The following LEKR1 variants were observed in gnomAD, a reference collection of about 807,000 sequenced individuals.
LEKR1 encodes leucine, glutamate and lysine rich 1, also known as protein LEKR1.
In LEKR1, 59 loss-of-function variants were observed where a neutral mutation model predicts 72.4. That is an observed-to-expected ratio of 0.82 (90% confidence interval 0.66 to 1.01). LEKR1 has a LOEUF of 1.01. Ranked by LOEUF, LEKR1 falls within the 50% of genes least tolerant of loss-of-function variation. LEKR1 has a pLI of 0.00. For synonymous variants in LEKR1, 257 were observed against 263.2 expected (o/e 0.98, Z 0.23); for missense variants, 728 against 759.2 (o/e 0.96, Z 0.48).
intron 3 of LEKR1, among the ~76,000 whole-genome samples, chr3:156,899,409 CATATAT>C: frequency 1.7e-5 from 1 of 59,414 alleles, no homozygotes; most frequent in Middle Eastern, 0.014. Flanking sequence ...TACATATATA[CATATAT>C]ACACATATAT....
chr3:156,880,880 A>G (rs1339907107), intron 3 of LEKR1, among the ~76,000 whole-genome samples: 1 of 152,242 alleles, frequency 6.6e-6, no homozygotes, highest in Non-Finnish European at 1.5e-5. Context: ...CAGCATATAA[A>G]CAGAACCAAA....
intron 3 of LEKR1, among the ~76,000 whole-genome samples, chr3:156,879,780 C>A (rs962479301): frequency 1.3e-5 from 2 of 152,168 alleles, no homozygotes; most frequent in African/African-American, 4.8e-5. Context: ...CTAGCCATGG[C>A]TAAAAGGCGC....
Position 156,993,265 on chromosome 3 carries a change from TGAAAAATGAAAGGTG to T in LEKR1, c.1098_1109+3del. ...CAGACAAGGGAAGAGGTTTTAACAC[TGAAAAATGAAAGGTG>T]CAGTAAACAATAATTTCTTACAAAA... On this transcript the variant is annotated splice_donor_variant and splice_donor_region_variant and coding_sequence_variant and intron_variant, in exon 9 of 13. Coordinates refer to ENST00000356539, the MANE Select transcript of LEKR1 (RefSeq NM_001004316.3). LOFTEE classifies it high-confidence loss of function. 6.3e-7 allele frequency: 1 copy of T among 1,588,238 alleles called. No individual in the cohort carries two copies. The highest frequency in any genetic ancestry group is 8.5e-7 in the Non-Finnish European group (1 of 1,170,788).
chr3:156,972,040 A>T (rs918378471), intron 6 of LEKR1, among the ~76,000 whole-genome samples: 1 of 152,184 alleles, frequency 6.6e-6, no homozygotes, highest in Non-Finnish European at 1.5e-5. Context: ...ATACATGCAC[A>T]TGTATGTTTA....
rs186244070 is a variant in LEKR1, at chr3:157,006,296, C to T, written c.1110-5117C>T. Among the ~76,000 whole-genome samples the T allele has an allele frequency of 4.2e-3, 633 of 152,246 alleles. 2 individuals carry two copies. Among genetic ancestry groups the T allele is most frequent in the African/African-American group, 0.015 (606 of 41,546 alleles). On this transcript the variant is annotated intron_variant, in intron 9 of 12. Coordinates refer to ENST00000356539, the MANE Select transcript of LEKR1 (RefSeq NM_001004316.3). ...CTGGGATTACAGGCGTGAGCCACCGCGCCCGGCCACTACTATACATTTTTA... is the reference window on the plus strand; with the variant it reads ...CTGGGATTACAGGCGTGAGCCACCGTGCCCGGCCACTACTATACATTTTTA...
rs1465490245 is a variant in LEKR1 at position 157,045,328 on chromosome 3, C to T, written c.1669-12C>T. ...AGCTAAGTCTGCTTTCTTTTCCCCT[C>T]TCTCTTTTCAGAATACTTTTCTTCA... is the stretch of plus-strand genomic sequence containing the variant. On this transcript the variant is annotated splice_polypyrimidine_tract_variant and intron_variant, in intron 12 of 12. Transcript: ENST00000356539. The T allele has an allele frequency of 3.1e-6, 5 of 1,597,394 alleles. No individual in the cohort carries two copies. The highest frequency in any genetic ancestry group is 1.7e-5 in the Admixed American group (1 of 58,492).
chr3:156,938,476 G>A (rs1321194660), intron 5 of LEKR1, among the ~76,000 whole-genome samples: 9 of 151,902 alleles, frequency 5.9e-5, no homozygotes, highest in Admixed American at 2.6e-4. Flanking sequence ...TCCCAGATTC[G>A]AGCTATTCTC....
At chr3:156,837,715 A>T (rs1410268664) in intron 2 of LEKR1, among the ~76,000 whole-genome samples, 8 of 152,178 alleles carry the variant, frequency 5.3e-5, no homozygotes, top group Admixed American at 2.0e-4. Flanking sequence ...AATCACACAA[A>T]TCCTTTTTCC....
At chr3:156,985,877 G>C (rs1314234523) in intron 7 of LEKR1, among the ~76,000 whole-genome samples, 7 of 151,026 alleles carry the variant, frequency 4.6e-5, no homozygotes, top group Admixed American at 1.3e-4. Flanking sequence ...TTGAAATGGG[G>C]AAATTATCCT....
intron 9 of LEKR1, among the ~76,000 whole-genome samples, chr3:156,995,006 T>C (rs1370627518): frequency 6.6e-6 from 1 of 152,256 alleles, no homozygotes; most frequent in Non-Finnish European, 1.5e-5. Context: ...CAGATCTTTA[T>C]CCTTTAGGAA....
At position 156,993,181 on chromosome 3, in the gene LEKR1, T is replaced by A. The variant is rs763659652; in HGVS notation, c.1013T>A (p.Ile338Lys). 6.2e-7 allele frequency: 1 copy of A among 1,611,770 alleles called. No homozygotes were observed. Among genetic ancestry groups the A allele is most frequent in the Non-Finnish European group, 8.5e-7 (1 of 1,178,486 alleles). ...GTGAAAGAAAAGCAAGAAGAAGACA[T>A]AAAGAGAAGAATTAACCTTGCAGAA... Reference protein sequence around the residue: ...LTVKEKQEEDIKRRINLAENE... With the variant: ...LTVKEKQEEDKKRRINLAENE... The change falls in exon 9 of 13, where the codon ATA becomes AAA. Residue 338 changes from isoleucine (I) to lysine (K), a missense_variant. Coordinates refer to ENST00000356539, the MANE Select transcript of LEKR1 (RefSeq NM_001004316.3).
chr3:156,986,299 C>A (rs991411209), intron 7 of LEKR1, among the ~76,000 whole-genome samples: 1 of 152,100 alleles, frequency 6.6e-6, no homozygotes, highest in Admixed American at 6.5e-5. Context: ...GGGGAGAATT[C>A]TAAGAGAGTA....
intron 5 of LEKR1, among the ~76,000 whole-genome samples, chr3:156,934,724 T>C (rs1725540524): frequency 6.6e-6 from 1 of 152,060 alleles, no homozygotes; most frequent in African/African-American, 2.4e-5. Context: ...AACATTGACA[T>C]AAGTCATCTG....
intron 3 of LEKR1, among the ~76,000 whole-genome samples, chr3:156,890,735 A>G (rs1403735744): frequency 6.6e-6 from 1 of 152,180 alleles, no homozygotes; most frequent in East Asian, 1.9e-4. Context: ...TGTGTTGGTA[A>G]TTGAGATCAG....
chr3:156,996,682 C>A (rs1731596236), intron 9 of LEKR1, among the ~76,000 whole-genome samples: 1 of 152,046 alleles, frequency 6.6e-6, no homozygotes, highest in African/African-American at 2.4e-5. Context: ...GCTCCTACAC[C>A]CTGTCAGTTT....
chr3:156,966,969 C>G (rs889939685), intron 6 of LEKR1, among the ~76,000 whole-genome samples: 1 of 152,182 alleles, frequency 6.6e-6, no homozygotes, highest in Admixed American at 6.6e-5. Context: ...TTGCTGCCCA[C>G]AAATATATGC....
intron 3 of LEKR1, among the ~76,000 whole-genome samples, chr3:156,901,141 A>T (rs1314995113): frequency 1.3e-5 from 2 of 152,100 alleles, no homozygotes; most frequent in African/African-American, 4.8e-5. Flanking sequence ...TGATTATTAC[A>T]TATTTTGAGA....
At chr3:157,018,261 A>T (rs1408241177) in intron 10 of LEKR1, among the ~76,000 whole-genome samples, 1 of 152,164 alleles carries the variant, frequency 6.6e-6, no homozygotes, top group Non-Finnish European at 1.5e-5. Flanking sequence ...ATCAGTAAGG[A>T]TTTATACAAT....
At chr3:157,036,065 C>T (rs1414545720) in intron 12 of LEKR1, among the ~76,000 whole-genome samples, 1 of 152,076 alleles carries the variant, frequency 6.6e-6, no homozygotes, top group Admixed American at 6.5e-5. Context: ...TTTTTAAACA[C>T]GAACAGCCAA....
Sources: gnomAD v4.1 joint callset for allele counts (sites outside exome capture counted in the v4.1 genomes callset) on GRCh38, gnomAD v4.1.1 for gene constraint, MANE v1.5 for transcripts, NCBI Gene and HGNC (gene_info 2026-07-23, HGNC 2026-07-21) for gene names.